The following OSBPL1A variants were observed in gnomAD, a reference collection of about 807,000 sequenced individuals.
OSBPL1A encodes the protein oxysterol binding protein like 1A.
Under a neutral mutation model 137.1 loss-of-function variants are expected in OSBPL1A, and 80 were observed. The ratio of observed to expected loss-of-function variants is 0.58; its 90% CI spans 0.49 to 0.70. The LOEUF is 0.70. Ranked by LOEUF, OSBPL1A falls within the 30% of genes least tolerant of loss-of-function variation. The probability of loss-of-function intolerance (pLI) is 0.00; values close to 1 mark genes in which losing one functional copy is unlikely to be tolerated. For missense variants in OSBPL1A, 970 were observed against 1,129.4 expected (o/e 0.86, Z 2.02); for synonymous variants, 365 against 389.7 (o/e 0.94, Z 0.75).
At chr18:24,176,202 G>A (rs1005751072) in intron 21 of OSBPL1A, among the ~76,000 whole-genome samples, 5 of 152,240 alleles carry the variant, frequency 3.3e-5, no homozygotes, top group Non-Finnish European at 7.4e-5. Flanking sequence ...AAATCATCTT[G>A]GGATTTTGAT....
At chr18:24,166,790 C>A in intron 25 of OSBPL1A, 88 bp from the exon 26 acceptor site, 1 of 1,295,582 alleles carries the variant, frequency 7.7e-7, no homozygotes, top group Non-Finnish European at 1.1e-6. Flanking sequence ...GTTGACTTGA[C>A]AATGACCCCC....
At chr18:24,377,971 G>T (rs1389133946) in intron 1 of OSBPL1A, among the ~76,000 whole-genome samples, 2 of 152,158 alleles carry the variant, frequency 1.3e-5, no homozygotes, top group South Asian at 2.1e-4. Flanking sequence ...TAGGAATAGT[G>T]TAAGACTAAC....
At chr18:24,164,679 C>A (rs113022180) in intron 27 of OSBPL1A, among the ~76,000 whole-genome samples, 2 of 151,914 alleles carry the variant, frequency 1.3e-5, no homozygotes, top group Non-Finnish European at 1.5e-5. Context: ...CCGCCCGCCT[C>A]GGCCTCCCAA....
At chr18:24,362,724 AC>A (rs1161016295) in intron 4 of OSBPL1A, among the ~76,000 whole-genome samples, 11 of 152,254 alleles carry the variant, frequency 7.2e-5, no homozygotes, top group African/African-American at 2.7e-4. Context: ...AATCAAAAAA[AC>A]ATTAATATGG....
intron 16 of OSBPL1A, among the ~76,000 whole-genome samples, chr18:24,230,931 T>C (rs1011634602): frequency 6.6e-6 from 1 of 152,174 alleles, no homozygotes; most frequent in Admixed American, 6.5e-5. Flanking sequence ...AGGATTCAGG[T>C]GACTCAGTCG....
intron 7 of OSBPL1A, among the ~76,000 whole-genome samples, chr18:24,322,022 G>A (rs917157476): frequency 1.3e-5 from 2 of 151,954 alleles, no homozygotes; most frequent in African/African-American, 4.8e-5. Flanking sequence ...GATGGCAATA[G>A]TGCAGGTAAA....
chr18:24,320,597 G>C (rs538538936), intron 7 of OSBPL1A, among the ~76,000 whole-genome samples: 52 of 152,188 alleles, frequency 3.4e-4, no homozygotes, highest in Non-Finnish European at 6.5e-4. Flanking sequence ...TCACACAAGG[G>C]GTTTGTAGGC....
chr18:24,351,732 G>T, intron 4 of OSBPL1A, among the ~76,000 whole-genome samples: 1 of 152,086 alleles, frequency 6.6e-6, no homozygotes, highest in Non-Finnish European at 1.5e-5. Context: ...TAGAGATGGG[G>T]TTTCACCATG....
At chr18:24,306,011 T>C (rs575340875) in intron 13 of OSBPL1A, among the ~76,000 whole-genome samples, 1 of 152,358 alleles carries the variant, frequency 6.6e-6, no homozygotes, top group African/African-American at 2.4e-5. Flanking sequence ...ATTAGCAGCA[T>C]GAGAACGAAC....
Position 24,312,067 on chromosome 18 carries a change from T to C in OSBPL1A, c.1009A>G (p.Thr337Ala). 6.2e-7 allele frequency: 1 copy of C among 1,614,102 alleles called. No individual in the cohort carries two copies. Among genetic ancestry groups the C allele is most frequent in the Non-Finnish European group, 8.5e-7 (1 of 1,179,968 alleles). The stretch of plus-strand genomic sequence containing the variant: ...AGCTGGTCCTGGGAACAGTAGTGAG[T>C]GCTGTAAGCAGAATGTTCTTCTATT... ...EAIEEHSAYS[T>A]HYCSQDQLTD... The change falls in exon 13 of 28, where the codon ACT (threonine) becomes GCT (alanine). Residue 337 changes from threonine (T) to alanine (A), a missense_variant. Thr to Ala is a moderately conservative substitution (Grantham distance 58). Coordinates refer to ENST00000319481, the MANE Select transcript of OSBPL1A (RefSeq NM_080597.4).
chr18:24,266,084 C>T (rs2089563220), intron 15 of OSBPL1A, among the ~76,000 whole-genome samples: 1 of 152,164 alleles, frequency 6.6e-6, no homozygotes, highest in South Asian at 2.1e-4. Flanking sequence ...TTAACGACTC[C>T]GTGTTAGACA....
At chr18:24,381,331 G>C (rs1906577641) in intron 1 of OSBPL1A, among the ~76,000 whole-genome samples, 1 of 152,188 alleles carries the variant, frequency 6.6e-6, no homozygotes. Context: ...ACCACCTGGG[G>C]GATGGTGGAA....
chr18:24,360,014 C>G (rs991213900), intron 4 of OSBPL1A, among the ~76,000 whole-genome samples: 9 of 152,206 alleles, frequency 5.9e-5, no homozygotes. Context: ...GTCACCCAGG[C>G]TGGAGTGCGA....
In OSBPL1A at chr18:24,194,164, A is replaced by C. The variant is rs1365748800; in HGVS notation, c.1677+1961T>G. Among the ~76,000 whole-genome samples the C allele has an allele frequency of 2.0e-5, 3 of 152,360 alleles. No homozygotes were observed. The East Asian group carries it at 5.8e-4, about 29-fold the overall frequency. On this transcript the variant is annotated intron_variant, in intron 18 of 27. Transcript: ENST00000319481. The stretch of plus-strand genomic sequence containing the variant: ...GAAAACTGTATATTCTAAAGTGGCC[A>C]AAAAGACTAAACCATATCTGAAATG...
At chr18:24,300,053 T>A (rs2090368904) in intron 14 of OSBPL1A, among the ~76,000 whole-genome samples, 1 of 152,164 alleles carries the variant, frequency 6.6e-6, no homozygotes, top group Non-Finnish European at 1.5e-5. Context: ...GTTTCATTAC[T>A]TTAGGTGATT....
intron 4 of OSBPL1A, among the ~76,000 whole-genome samples, chr18:24,359,563 G>A (rs1892922533): frequency 6.6e-6 from 1 of 151,918 alleles, no homozygotes; most frequent in African/African-American, 2.4e-5. Flanking sequence ...GTACAGTGGC[G>A]CACGCGTATA....
chr18:24,188,550 C>A (rs2086810214), intron 18 of OSBPL1A, among the ~76,000 whole-genome samples: 1 of 152,148 alleles, frequency 6.6e-6, no homozygotes, highest in Non-Finnish European at 1.5e-5. Context: ...CTTTCCATTT[C>A]TTTTAGTAAC....
chr18:24,350,141 G>A (rs1392901285), intron 4 of OSBPL1A, among the ~76,000 whole-genome samples: 3 of 152,024 alleles, frequency 2.0e-5, no homozygotes. Context: ...TTTAGCTAGT[G>A]TGGCCATGAA....
chr18:24,354,083 A>G (rs1329885324), intron 4 of OSBPL1A, among the ~76,000 whole-genome samples: 2 of 152,282 alleles, frequency 1.3e-5, no homozygotes, highest in East Asian at 3.9e-4. Context: ...TAAAATTTAA[A>G]AAAAGAAAAA....
Sources: allele counts gnomAD v4.1 joint callset (sites outside exome capture counted in the v4.1 genomes callset), GRCh38; gene constraint gnomAD v4.1.1; transcripts MANE v1.5; gene names NCBI Gene and HGNC (gene_info 2026-07-23, HGNC 2026-07-21).